THRB: variants seen among roughly 807,000 people sequenced by gnomAD.
THRB encodes the protein thyroid hormone receptor beta, also known as nuclear receptor subfamily 1 group A member 2.
Under a neutral mutation model 47.8 loss-of-function variants are expected in THRB, and 12 were observed. The observed-to-expected ratio is 0.25, with a 90% CI of 0.16 to 0.41. The LOEUF is 0.41. Ranked by LOEUF, THRB falls within the 10% of genes least tolerant of loss-of-function variation. The pLI is 1.00. For missense variants in THRB, 348 were observed against 589.2 expected (o/e 0.59, Z 4.24); for synonymous variants, 218 against 212.2 (o/e 1.03, Z -0.24).
intron 3 of THRB, among the ~76,000 whole-genome samples, chr3:24,242,137 C>T (rs1033188894): frequency 1.3e-5 from 2 of 152,180 alleles, no homozygotes; most frequent in Non-Finnish European, 2.9e-5. Context: ...TCTCCCATTT[C>T]TTATGGGTTG....
At chr3:24,427,983 C>T (rs1025132927) in intron 1 of THRB, among the ~76,000 whole-genome samples, 4 of 151,942 alleles carry the variant, frequency 2.6e-5, no homozygotes, top group Non-Finnish European at 4.4e-5. Context: ...TGCATACTTG[C>T]TCCAGCTTAT....
chr3:24,189,719 C>A (rs1020911528), intron 5 of THRB, among the ~76,000 whole-genome samples: 1 of 152,182 alleles, frequency 6.6e-6, no homozygotes, highest in East Asian at 1.9e-4. Flanking sequence ...TGCACAGACA[C>A]ACTTTAAAGC....
intron 3 of THRB, among the ~76,000 whole-genome samples, chr3:24,283,116 C>A (rs1336192468): frequency 6.6e-6 from 1 of 151,348 alleles, no homozygotes; most frequent in Admixed American, 6.6e-5. Context: ...CAAAGCCGGG[C>A]AGAGACACAA....
At chr3:24,284,109 G>A (rs1378324019) in intron 3 of THRB, among the ~76,000 whole-genome samples, 1 of 146,084 alleles carries the variant, frequency 6.8e-6, no homozygotes, top group Admixed American at 6.8e-5. Flanking sequence ...CCAAAAAAGA[G>A]CCCGCATCGC....
intron 1 of THRB, among the ~76,000 whole-genome samples, 156 bp from the exon 2 acceptor site, chr3:24,337,527 A>C (rs571516541): frequency 1.3e-5 from 2 of 152,218 alleles, no homozygotes; most frequent in Non-Finnish European, 2.9e-5. Context: ...ACTTAGATAA[A>C]ATCTTATTCT....
chr3:24,148,158 G>T (rs956204663), intron 6 of THRB, among the ~76,000 whole-genome samples: 3 of 152,108 alleles, frequency 2.0e-5, no homozygotes, highest in African/African-American at 7.2e-5. Flanking sequence ...ACAGAGTCTC[G>T]CTCTGTCACC....
In THRB at chr3:24,164,995, C is replaced by G. The variant is rs749957442; in HGVS notation, c.284-12505G>C. 8.5e-6 allele frequency: 6 copies of G among 702,754 alleles called. No individual in the cohort carries two copies. The African/African-American group carries it at 8.8e-5, about 10-fold the overall frequency. The allele number at this position is 702,754 out of a possible 1,614,324, so 43.5% of individuals were successfully genotyped here. On this transcript the variant is annotated intron_variant, in intron 5 of 10. Coordinates refer to ENST00000646209, the MANE Select transcript of THRB (RefSeq NM_001354712.2). ...AATGAAACGAAAACAAACAGTGAAA[C>G]TTTGAACAAATTTAAGCAAAATGGT...
chr3:24,206,177 C>T (rs559874436), intron 4 of THRB, among the ~76,000 whole-genome samples: 1 of 152,192 alleles, frequency 6.6e-6, no homozygotes, highest in African/African-American at 2.4e-5. Context: ...GAACTGTCCA[C>T]CCCAAATCAA....
At chr3:24,255,918 G>A (rs1207927010) in intron 3 of THRB, among the ~76,000 whole-genome samples, 1 of 152,208 alleles carries the variant, frequency 6.6e-6, no homozygotes, top group African/African-American at 2.4e-5. Context: ...GGGGTGAGGG[G>A]AAGCCTTCAT....
intron 5 of THRB, among the ~76,000 whole-genome samples, chr3:24,163,826 TTATA>T (rs2039253313): frequency 6.6e-6 from 1 of 152,118 alleles, no homozygotes; most frequent in South Asian, 2.1e-4. Flanking sequence ...TAGAATAACA[TTATA>T]TATAGTAAAA....
intron 3 of THRB, among the ~76,000 whole-genome samples, chr3:24,267,008 TAAG>T (rs974839407): frequency 1.2e-4 from 18 of 150,756 alleles, no homozygotes; most frequent in African/African-American, 4.4e-4. Context: ...CCAAGAAAAA[TAAG>T]AAAGTTTCCC....
chr3:24,266,925 G>A (rs2052721370), intron 3 of THRB, among the ~76,000 whole-genome samples: 1 of 151,844 alleles, frequency 6.6e-6, no homozygotes. Flanking sequence ...AAGAGAGGGA[G>A]GAGAGAGGTG....
At chr3:24,165,798 C>T (rs994598654) in intron 5 of THRB, among the ~76,000 whole-genome samples, 6 of 152,084 alleles carry the variant, frequency 3.9e-5, no homozygotes, top group Admixed American at 1.3e-4. Context: ...GATTATAAAA[C>T]GATTACTCAT....
At chr3:24,271,788 T>G (rs2053358134) in intron 3 of THRB, among the ~76,000 whole-genome samples, 1 of 152,120 alleles carries the variant, frequency 6.6e-6, no homozygotes, top group Non-Finnish European at 1.5e-5. Flanking sequence ...AAAATTTAAT[T>G]TAATTTAATA....
At chr3:24,399,286 T>C (rs1308260626) in intron 1 of THRB, among the ~76,000 whole-genome samples, 3 of 151,920 alleles carry the variant, frequency 2.0e-5, no homozygotes, top group Non-Finnish European at 4.4e-5. Flanking sequence ...GTCAAAATTA[T>C]GCCTCCCTCA....
chr3:24,457,982 C>T (rs73150388), intron 1 of THRB: 92 of 152,266 alleles, frequency 6.0e-4, no homozygotes, highest in African/African-American at 1.8e-3. Context: ...ATCACCTGGG[C>T]ATCTTGTTAA....
At chr3:24,198,390 A>G (rs1038212386) in intron 4 of THRB, among the ~76,000 whole-genome samples, 1 of 151,288 alleles carries the variant, frequency 6.6e-6, no homozygotes, top group Admixed American at 6.6e-5. Context: ...TACATGAGCC[A>G]ACACATGGAC....
intron 1 of THRB, among the ~76,000 whole-genome samples, chr3:24,460,758 T>C (rs2125645981): frequency 6.6e-6 from 1 of 152,328 alleles, no homozygotes; most frequent in African/African-American, 2.4e-5. Context: ...AAGAAGTGCT[T>C]CCAGGAATCT....
At chr3:24,316,315 AT>A (rs1407574273) in intron 2 of THRB, among the ~76,000 whole-genome samples, 1 of 152,166 alleles carries the variant, frequency 6.6e-6, no homozygotes, top group African/African-American at 2.4e-5. Flanking sequence ...ACATTTCATC[AT>A]AATATATTTT....
Sources: allele counts gnomAD v4.1 joint callset (sites outside exome capture counted in the v4.1 genomes callset), GRCh38; gene constraint gnomAD v4.1.1; transcripts MANE v1.5; gene names NCBI Gene and HGNC (gene_info 2026-07-23, HGNC 2026-07-21).